HAUS3: variants seen among roughly 807,000 people sequenced by gnomAD.
HAUS3 encodes the protein HAUS augmin like complex subunit 3.
In HAUS3, 36 loss-of-function variants were observed where a neutral mutation model predicts 55.2. The observed-to-expected ratio is 0.65, with a 90% CI of 0.50 to 0.86. The LOEUF (loss-of-function observed/expected upper bound fraction) is 0.86, where lower values mean the gene tolerates loss of function less well. Among genes scored for constraint, HAUS3 ranks in the 40% least tolerant of loss-of-function variants. The probability of loss-of-function intolerance (pLI) is 0.00; values close to 1 mark genes in which losing one functional copy is unlikely to be tolerated. For missense variants in HAUS3, 752 were observed against 671.5 expected (o/e 1.12, Z -1.33); for synonymous variants, 234 against 238.6 (o/e 0.98, Z 0.18).
chr4:2,235,646 G>A (rs1180755217), intron 5 of HAUS3, among the ~76,000 whole-genome samples: 1 of 152,122 alleles, frequency 6.6e-6, no homozygotes, highest in Non-Finnish European at 1.5e-5. Context: ...AGTCATTGAA[G>A]GATACATACC....
Position 2,229,271 on chromosome 4 carries a change from TC to T in HAUS3, c.*2655del. ...AAATGTAAGATTAACATAAGATAAATCCCATATATTAATCCTAAGACTATAA... is the reference window on the plus strand; with the variant it reads ...AAATGTAAGATTAACATAAGATAAATCCATATATTAATCCTAAGACTATAA... On this transcript the variant is annotated 3_prime_UTR_variant, in exon 6 of 6. Coordinates refer to ENST00000443786, the MANE Select transcript of HAUS3 (RefSeq NM_001303143.2). 6.6e-7 allele frequency: 1 copy of T among 1,513,282 alleles called. No individual in the cohort carries two copies. The highest frequency in any genetic ancestry group is 9.0e-7 in the Non-Finnish European group (1 of 1,113,690). The allele number at this position is 1,513,282 out of a possible 1,614,324, so 93.7% of individuals were successfully genotyped here. A position where few individuals can be genotyped will look rare whatever the true frequency, so the allele number is the denominator to read the frequency against.
In HAUS3 at chr4:2,231,840, A is replaced by C; in HGVS notation, c.*87T>G. 1 of 646,326 alleles carries C rather than the reference A, an allele frequency of 1.5e-6. No individual in the cohort carries two copies. The highest frequency in any genetic ancestry group is 2.7e-6 in the Non-Finnish European group (1 of 371,206). The allele number at this position is 646,326 out of a possible 1,614,324, so 40.0% of individuals were successfully genotyped here. ...AAATTAAATGTTCCATTGACCTCAA[A>C]TTTTAAAAATTTAGTAGTGTTTATT... On this transcript the variant is annotated 3_prime_UTR_variant, in exon 6 of 6. Transcript: ENST00000443786.
chr4:2,239,995 A>C (rs1453262183), intron 3 of HAUS3, 43 bp downstream of exon 3: 1 of 1,467,128 alleles, frequency 6.8e-7, no homozygotes, highest in Admixed American at 1.8e-5. Context: ...TCTATTCCTA[A>C]CAATAATTAC....
chr4:2,232,310 A>G (rs968562204), intron 5 of HAUS3, 150 bp from the exon 6 acceptor site: 2 of 478,432 alleles, frequency 4.2e-6, no homozygotes, highest in African/African-American at 4.1e-5. Context: ...AAAATCCATA[A>G]CAGGTTTAAT....
At chr4:2,233,040 G>A (rs566013144) in intron 5 of HAUS3, among the ~76,000 whole-genome samples, 1 of 152,176 alleles carries the variant, frequency 6.6e-6, no homozygotes, top group South Asian at 2.1e-4. Flanking sequence ...GTTTTGATAC[G>A]CTCCCTGATG....
In HAUS3 at chr4:2,232,042, T is replaced by C. The variant is rs1214102264; in HGVS notation, c.1697A>G (p.His566Arg). 3 of 1,529,704 alleles carry C rather than the reference T, an allele frequency of 2.0e-6. No homozygotes were observed. Among genetic ancestry groups the C allele is most frequent in the Non-Finnish European group, 2.7e-6 (3 of 1,108,210 alleles). The allele number at this position is 1,529,704 out of a possible 1,614,324, so 94.8% of individuals were successfully genotyped here. ...TACATAGAATTCTCTTTCCATTTGA[T>C]GTAATTTATTATTTGCCAAAGTTTT... ...KRKTLANNKL[H>R]QMEREFYVYF... Residue 566 changes from histidine to arginine, a missense_variant, in exon 6 of 6, where the codon CAT becomes CGT. Coordinates refer to ENST00000443786, the MANE Select transcript of HAUS3 (RefSeq NM_001303143.2).
At chr4:2,233,725 G>T (rs1033505658) in intron 5 of HAUS3, among the ~76,000 whole-genome samples, 4 of 152,066 alleles carry the variant, frequency 2.6e-5, no homozygotes, top group African/African-American at 9.7e-5. Context: ...CATCTAAAAA[G>T]ATCTTTTCTA....
intron 4 of HAUS3, among the ~76,000 whole-genome samples, chr4:2,237,081 C>G (rs1461129270): frequency 1.3e-5 from 2 of 152,004 alleles, no homozygotes; most frequent in African/African-American, 4.8e-5. Flanking sequence ...TTAACTGCCA[C>G]TAACGTACTT....
At position 2,240,689 on chromosome 4, in the gene HAUS3, A is replaced by AGTTTTACAC; in HGVS notation, c.249_257dup (p.Cys84_Thr86dup). On this transcript the variant is annotated inframe_insertion, in exon 3 of 6. Transcript: ENST00000443786. Reference sequence around the variant, plus strand: ...CCAGTCTAGGTGTCTTCAAATCAGAAGTTTTACACGTTTTAAGAGCTTCAT... The same window carrying AGTTTTACAC: ...CCAGTCTAGGTGTCTTCAAATCAGAAGTTTTACACGTTTTACACGTTTTAAGAGCTTCAT... 1 of 1,614,022 alleles carries AGTTTTACAC rather than the reference A, an allele frequency of 6.2e-7. No individual in the cohort carries two copies. Among genetic ancestry groups the AGTTTTACAC allele is most frequent in the Non-Finnish European group, 8.5e-7 (1 of 1,179,988 alleles).
Position 2,229,164 on chromosome 4 carries a change from T to A in HAUS3, c.*2763A>T. On this transcript the variant is annotated 3_prime_UTR_variant, in exon 6 of 6. Coordinates refer to ENST00000443786, the MANE Select transcript of HAUS3 (RefSeq NM_001303143.2). ...ACCTGAATGCATAGCAGACATAATC[T>A]TCTGAGCAACACTGGAGAGCGGTGT... is the stretch of plus-strand genomic sequence containing the variant. 8.7e-6 allele frequency: 14 copies of A among 1,611,090 alleles called. No individual in the cohort carries two copies. Among genetic ancestry groups the A allele is most frequent in the Non-Finnish European group, 1.2e-5 (14 of 1,177,270 alleles).
At chr4:2,238,118 A>T (rs6831422) in intron 4 of HAUS3, among the ~76,000 whole-genome samples, 12,665 of 152,220 alleles carry the variant, frequency 0.083, 792 homozygotes, top group African/African-American at 0.17. Context: ...AATTTTCAGT[A>T]TCCCTCTGCC....
Position 2,231,104 on chromosome 4 carries a change from A to G in HAUS3, c.*823T>C, listed in dbSNP as rs929304002. 1 of 152,248 alleles carries G rather than the reference A, an allele frequency of 6.6e-6. No individual in the cohort carries two copies. The highest frequency in any genetic ancestry group is 2.4e-5 in the African/African-American group (1 of 41,464). 9.4% of individuals were successfully genotyped at this position (152,248 alleles called of 1,614,324 possible). A position where few individuals can be genotyped will look rare whatever the true frequency, so the allele number is the denominator to read the frequency against. On this transcript the variant is annotated 3_prime_UTR_variant, in exon 6 of 6. Transcript: ENST00000443786. Reference sequence around the variant, plus strand: ...AGAATTCAGACTCTAAAATGAATGCAGGCAGGCCAAGGAAGTCCTAATACT... The same window carrying G: ...AGAATTCAGACTCTAAAATGAATGCGGGCAGGCCAAGGAAGTCCTAATACT...
At chr4:2,235,056 T>C (rs1734712191) in intron 5 of HAUS3, among the ~76,000 whole-genome samples, 1 of 152,180 alleles carries the variant, frequency 6.6e-6, no homozygotes, top group Non-Finnish European at 1.5e-5. Context: ...CGGCTAATTT[T>C]TGTATTTTTA....
Position 2,241,066 on chromosome 4 carries a change from A to G in HAUS3, c.-120T>C, listed in dbSNP as rs990416785. ...ACCAAGTCCACAGAGAAGGGAAAATATATTTTTAGAATCTATAATGATTCC... is the reference window on the plus strand; with the variant it reads ...ACCAAGTCCACAGAGAAGGGAAAATGTATTTTTAGAATCTATAATGATTCC... On this transcript the variant is annotated 5_prime_UTR_variant, in exon 3 of 6. Transcript: ENST00000443786. The G allele has an allele frequency of 1.8e-5, 13 of 716,436 alleles. No individual in the cohort carries two copies. Among genetic ancestry groups the G allele is most frequent in the African/African-American group, 1.3e-4 (7 of 55,916 alleles). 44.4% of individuals were successfully genotyped at this position (716,436 alleles called of 1,614,324 possible).
In HAUS3 at chr4:2,240,722, C is replaced by A. The variant is rs754340926; in HGVS notation, c.225G>T (p.Ala75=). The A allele has an allele frequency of 1.9e-6, 3 of 1,614,018 alleles. No individual in the cohort carries two copies. The highest frequency in any genetic ancestry group is 4.5e-5 in the East Asian group (2 of 44,870). ...ACGTTTTAAGAGCTTCATCCAATGC[C>A]GCCCCTTCTAGAATAGGCTTGCCTG... The part of the protein sequence containing the change: ...QKSGKPILEG[A]ALDEALKTCK... The change falls in exon 3 of 6, where the codon GCG becomes GCT. Residue 75 remains alanine, a synonymous_variant. Transcript: ENST00000443786.
chr4:2,232,951 G>C (rs1232387756), intron 5 of HAUS3, among the ~76,000 whole-genome samples: 1 of 151,960 alleles, frequency 6.6e-6, no homozygotes, highest in Non-Finnish European at 1.5e-5. Context: ...ATTATCTGAG[G>C]TACTTGTTAT....
Position 2,241,503 on chromosome 4 carries a change from A to T in HAUS3, c.-148+17T>A, listed in dbSNP as rs1388198468. The T allele has an allele frequency of 1.0e-6, 1 of 985,668 alleles. No individual in the cohort carries two copies. Among genetic ancestry groups the T allele is most frequent in the Non-Finnish European group, 1.2e-6 (1 of 830,166 alleles). 61.1% of individuals were successfully genotyped at this position (985,668 alleles called of 1,614,324 possible). On this transcript the variant is annotated intron_variant, in intron 2 of 5. Coordinates refer to ENST00000443786, the MANE Select transcript of HAUS3 (RefSeq NM_001303143.2). ...AATAAGCATGGCACATCTTCTGAAGATCAACTAAATATTTACCTCAACGTC... is the reference window on the plus strand; with the variant it reads ...AATAAGCATGGCACATCTTCTGAAGTTCAACTAAATATTTACCTCAACGTC...
chr4:2,236,422 T>C lies in HAUS3; in HGVS notation c.1384A>G (p.Lys462Glu). 1 of 1,613,236 alleles carries C rather than the reference T, an allele frequency of 6.2e-7. No individual in the cohort carries two copies. Among genetic ancestry groups the C allele is most frequent in the Non-Finnish European group, 8.5e-7 (1 of 1,179,400 alleles). The change falls in exon 5 of 6, where the codon AAA (lysine) becomes GAA (glutamate). Residue 462 changes from lysine to glutamate, a missense_variant. Lys to Glu is a moderately conservative substitution (Grantham distance 56). Coordinates refer to ENST00000443786, the MANE Select transcript of HAUS3 (RefSeq NM_001303143.2). ...TTTCCATGAGTTAGAAACAATTCTT[T>C]TTTCTTATTCTCTCCCTCCAAAACT... is the stretch of plus-strand genomic sequence containing the variant. The part of the protein sequence containing the change: ...YQVLEGENKK[K>E]ELFLTHGNLE...
At chr4:2,239,166 A>G in intron 3 of HAUS3, 123 bp from the exon 4 acceptor site, 1 of 528,422 alleles carries the variant, frequency 1.9e-6, no homozygotes, top group Non-Finnish European at 3.2e-6. Context: ...AACTAATTTA[A>G]TATTCATATA....
Sources: gnomAD v4.1 joint callset for allele counts (sites outside exome capture counted in the v4.1 genomes callset) on GRCh38, gnomAD v4.1.1 for gene constraint, MANE v1.5 for transcripts, NCBI Gene and HGNC (gene_info 2026-07-23, HGNC 2026-07-21) for gene names.